NUDCD3: variants seen among roughly 807,000 people sequenced by gnomAD.
The protein encoded by NUDCD3 is NudC domain containing 3, also known as nudC domain-containing protein 3.
In NUDCD3, 13 loss-of-function variants were observed where a neutral mutation model predicts 39.7. That is an observed-to-expected ratio of 0.33 (90% CI 0.21 to 0.52). NUDCD3 has a LOEUF of 0.52. Ranked by LOEUF, NUDCD3 falls within the 20% of genes least tolerant of loss-of-function variation. The pLI is 0.96. For missense variants in NUDCD3, 453 were observed against 458.1 expected, an observed-to-expected ratio of 0.99 and a Z score of 0.10; for synonymous variants, 175 against 172.4, an observed-to-expected ratio of 1.02 and a Z score of -0.12.
At chr7:44,430,293 G>A (rs1799331773) in intron 2 of NUDCD3, among the ~76,000 whole-genome samples, 1 of 152,182 alleles carries the variant, frequency 6.6e-6, no homozygotes, top group Admixed American at 6.6e-5. Flanking sequence ...AGCAGGGTAC[G>A]AAGGAGTCAG....
chr7:44,412,913 C>T (rs1475485890), intron 3 of NUDCD3, among the ~76,000 whole-genome samples: 14 of 125,852 alleles, frequency 1.1e-4, no homozygotes, highest in African/African-American at 2.2e-4. Context: ...GGCGACAGAG[C>T]GAGACGCCGT....
intron 2 of NUDCD3, among the ~76,000 whole-genome samples, chr7:44,440,952 C>T (rs1274292579): frequency 6.6e-6 from 1 of 152,186 alleles, no homozygotes; most frequent in East Asian, 1.9e-4. Flanking sequence ...AGGTTTAGCA[C>T]CCATTTTCAA....
chr7:44,443,199 C>A (rs912046878), intron 2 of NUDCD3, among the ~76,000 whole-genome samples: 1 of 151,846 alleles, frequency 6.6e-6, no homozygotes, highest in African/African-American at 2.4e-5. Context: ...ACACACTCTG[C>A]ATACAGGTGG....
intron 2 of NUDCD3, among the ~76,000 whole-genome samples, chr7:44,475,611 T>C (rs192950825): frequency 2.0e-5 from 3 of 151,966 alleles, no homozygotes; most frequent in South Asian, 2.1e-4. Context: ...TTTTTAAAAA[T>C]TAGCCAGGCA....
intron 2 of NUDCD3, among the ~76,000 whole-genome samples, chr7:44,453,588 G>A (rs1799835547): frequency 6.6e-6 from 1 of 152,054 alleles, no homozygotes; most frequent in Non-Finnish European, 1.5e-5. Flanking sequence ...AGACTTGGCA[G>A]GACCTCCATG....
intron 2 of NUDCD3, among the ~76,000 whole-genome samples, chr7:44,463,475 C>T (rs1800057134): frequency 6.6e-6 from 1 of 152,096 alleles, no homozygotes; most frequent in Non-Finnish European, 1.5e-5. Context: ...CTAACAGGAA[C>T]CTCAAATTTA....
intron 1 of NUDCD3, among the ~76,000 whole-genome samples, chr7:44,487,958 TAAAAAATA>T (rs1219456852): frequency 7.0e-6 from 1 of 142,570 alleles, no homozygotes; most frequent in Non-Finnish European, 1.5e-5. Flanking sequence ...ATCTCAAAAA[TAAAAAATA>T]AAAAAATAAA....
intron 2 of NUDCD3, among the ~76,000 whole-genome samples, chr7:44,450,917 T>C (rs1466967392): frequency 2.0e-5 from 3 of 152,064 alleles, no homozygotes; most frequent in Non-Finnish European, 4.4e-5. Context: ...AATAGATGAA[T>C]AGACAAAAAA....
chr7:44,386,046 T>A lies in NUDCD3; in HGVS notation c.1051A>T (p.Met351Leu). ...PFRGQRFDPA[M>L]FNISPGAVQF Reference sequence around the variant, plus strand: ...ACAGCCCCCGGGGAGATGTTGAACATGGCAGGGTCGAATCGCTGGCCTCGG... The same window carrying A: ...ACAGCCCCCGGGGAGATGTTGAACAAGGCAGGGTCGAATCGCTGGCCTCGG... The change falls in exon 6 of 6, where the codon ATG becomes TTG. Residue 351 changes from methionine to leucine, a missense_variant. Coordinates refer to ENST00000355451, the MANE Select transcript of NUDCD3 (RefSeq NM_015332.4). The A allele has an allele frequency of 6.2e-7, 1 of 1,604,330 alleles. No homozygotes were observed. The highest frequency in any genetic ancestry group is 1.3e-5 in the African/African-American group (1 of 74,840).
chr7:44,428,182 C>A (rs1387368413), intron 2 of NUDCD3, among the ~76,000 whole-genome samples: 1 of 149,202 alleles, frequency 6.7e-6, no homozygotes, highest in African/African-American at 2.5e-5. Context: ...CACCTGTAAT[C>A]CCAGCACTTT....
intron 2 of NUDCD3, among the ~76,000 whole-genome samples, chr7:44,443,768 T>C (rs1390897893): frequency 6.6e-6 from 1 of 152,138 alleles, no homozygotes; most frequent in African/African-American, 2.4e-5. Flanking sequence ...TCCTTGACTG[T>C]CTAGGTGAAG....
chr7:44,440,174 A>C lies in NUDCD3; in HGVS notation c.510-12471T>G, dbSNP rs1046116687. ...CCAGCCTCAGCCACATGATCCAAGC[A>C]AACGTCACAGTAATAATTCATGTTA... On this transcript the variant is annotated intron_variant, in intron 2 of 5. Coordinates refer to ENST00000355451, the MANE Select transcript of NUDCD3 (RefSeq NM_015332.4). Among the ~76,000 whole-genome samples, 132 of 152,250 alleles carry C rather than the reference A, an allele frequency of 8.7e-4. 1 individual carries two copies. The highest frequency in any genetic ancestry group is 8.5e-3 in the Admixed American group (130 of 15,290).
At chr7:44,438,207 T>G (rs923125056) in intron 2 of NUDCD3, among the ~76,000 whole-genome samples, 2 of 152,022 alleles carry the variant, frequency 1.3e-5, no homozygotes, top group African/African-American at 4.8e-5. Context: ...AAAAAAAAAT[T>G]CAGAATTATG....
At chr7:44,472,079 T>C (rs1800268692) in intron 2 of NUDCD3, 1 of 152,208 alleles carries the variant, frequency 6.6e-6, no homozygotes, top group African/African-American at 2.4e-5. Context: ...ATGGAAGCCG[T>C]GACCAACCCC....
chr7:44,442,382 C>T lies in NUDCD3; in HGVS notation c.510-14679G>A, dbSNP rs534812465. Among the ~76,000 whole-genome samples the T allele has an allele frequency of 9.1e-4, 138 of 152,240 alleles. 1 individual carries two copies. Among genetic ancestry groups the T allele is most frequent in the African/African-American group, 3.1e-3 (130 of 41,540 alleles). ...CACATGGAGAGTAGACTGCAGAATG[C>T]CAAAAGAAGTAGTTCCAGGGGCTGT... is the stretch of plus-strand genomic sequence containing the variant. On this transcript the variant is annotated intron_variant, in intron 2 of 5. Coordinates refer to ENST00000355451, the MANE Select transcript of NUDCD3 (RefSeq NM_015332.4).
intron 2 of NUDCD3, among the ~76,000 whole-genome samples, chr7:44,473,249 C>CATTTT (rs896693815): frequency 6.6e-6 from 1 of 152,184 alleles, no homozygotes; most frequent in Non-Finnish European, 1.5e-5. Context: ...AGGACCCAAG[C>CATTTT]ATTTTATTTT....
chr7:44,476,137 A>G (rs1183073508), intron 2 of NUDCD3, among the ~76,000 whole-genome samples: 7 of 152,154 alleles, frequency 4.6e-5, no homozygotes, highest in Admixed American at 3.3e-4. Flanking sequence ...CTCGACTAGT[A>G]AAGGAAGAAG....
chr7:44,490,155 T>A, intron 1 of NUDCD3: 1 of 414,762 alleles, frequency 2.4e-6, no homozygotes, highest in Middle Eastern at 6.7e-4. Context: ...GGGTACGCGC[T>A]GGCGGGTGCT....
chr7:44,436,826 T>C (rs939479245), intron 2 of NUDCD3, among the ~76,000 whole-genome samples: 2 of 152,296 alleles, frequency 1.3e-5, no homozygotes, highest in Admixed American at 1.3e-4. Flanking sequence ...TGGTTTACAG[T>C]TTACAAATTC....
Sources: gnomAD v4.1 joint callset for allele counts (sites outside exome capture counted in the v4.1 genomes callset) on GRCh38, gnomAD v4.1.1 for gene constraint, MANE v1.5 for transcripts, NCBI Gene and HGNC (gene_info 2026-07-23, HGNC 2026-07-21) for gene names.